Variants in ANTXR2 observed in about 807,000 individuals in gnomAD.
ANTXR2 encodes the protein ANTXR cell adhesion molecule 2, also known as anthrax toxin receptor 2.
Under a neutral mutation model 73.7 loss-of-function variants are expected in ANTXR2, and 44 were observed. That is an observed-to-expected ratio of 0.60 (90% CI 0.47 to 0.77). The LOEUF is 0.77. ANTXR2 is among the 30% of genes least tolerant of loss of function. The probability of loss-of-function intolerance (pLI) is 0.00; values close to 1 mark genes in which losing one functional copy is unlikely to be tolerated. For synonymous variants in ANTXR2, 217 were observed against 205.9 expected, an observed-to-expected ratio of 1.05 and a Z score of -0.46; for missense variants, 604 against 592.5, an observed-to-expected ratio of 1.02 and a Z score of -0.20.
chr4:79,963,383 A>C (rs1054578120), intron 16 of ANTXR2, among the ~76,000 whole-genome samples: 1 of 152,136 alleles, frequency 6.6e-6, no homozygotes, highest in Non-Finnish European at 1.5e-5. Flanking sequence ...TTTGCTGTAG[A>C]TTTAAAAAAT....
chr4:79,974,135 A>G (rs1560922749), intron 16 of ANTXR2, among the ~76,000 whole-genome samples: 1 of 152,184 alleles, frequency 6.6e-6, no homozygotes, highest in Non-Finnish European at 1.5e-5. Context: ...CATACTAATG[A>G]CACTTAACTG....
At chr4:79,907,758 A>G (rs1204462378) in intron 16 of ANTXR2, among the ~76,000 whole-genome samples, 1 of 152,182 alleles carries the variant, frequency 6.6e-6, no homozygotes, top group Non-Finnish European at 1.5e-5. Flanking sequence ...TCACGGCCAT[A>G]AAAATATCAA....
chr4:80,037,338 CA>C (rs1365905304), intron 7 of ANTXR2, among the ~76,000 whole-genome samples: 1 of 152,146 alleles, frequency 6.6e-6, no homozygotes, highest in Non-Finnish European at 1.5e-5. Flanking sequence ...TATAAGTTCT[CA>C]GCCCCTAAAA....
chr4:79,982,790 T>C (rs1257900517), intron 14 of ANTXR2, among the ~76,000 whole-genome samples: 3 of 152,126 alleles, frequency 2.0e-5, no homozygotes, highest in Admixed American at 6.5e-5. Context: ...TCAGGGAAAA[T>C]GTCCATTGCT....
At chr4:79,917,286 C>A (rs765545943) in intron 16 of ANTXR2, among the ~76,000 whole-genome samples, 9 of 151,992 alleles carry the variant, frequency 5.9e-5, no homozygotes, top group Non-Finnish European at 1.2e-4. Flanking sequence ...AGAAGCAGCC[C>A]ACTGAAGGTT....
At position 80,072,770 on chromosome 4, in the gene ANTXR2, G is replaced by A; in HGVS notation, c.-210C>T. 1.6e-6 allele frequency: 2 copies of A among 1,241,212 alleles called. No homozygotes were observed. Among genetic ancestry groups the A allele is most frequent in the Non-Finnish European group, 2.0e-6 (2 of 980,200 alleles). The allele number at this position is 1,241,212 out of a possible 1,614,324, so 76.9% of individuals were successfully genotyped here. A position where few individuals can be genotyped will look rare whatever the true frequency, so the allele number is the denominator to read the frequency against. ...GACAAAGGGAGTCTCCGCCACCGCC[G>A]CAGCTGCCGCCGGAACTCTTGACGA... On this transcript the variant is annotated 5_prime_UTR_variant, in exon 1 of 17. Coordinates refer to ENST00000403729, the MANE Select transcript of ANTXR2 (RefSeq NM_058172.6).
chr4:79,937,418 A>G (rs1282553466), intron 16 of ANTXR2, among the ~76,000 whole-genome samples: 2 of 152,176 alleles, frequency 1.3e-5, no homozygotes, highest in Non-Finnish European at 2.9e-5. Context: ...TCTTCATTGA[A>G]AGTTTCACTG....
chr4:79,987,082 A>AATT (rs1434801100), intron 12 of ANTXR2, among the ~76,000 whole-genome samples: 5 of 152,142 alleles, frequency 3.3e-5, no homozygotes, highest in African/African-American at 1.2e-4. Flanking sequence ...GCAACTCTAA[A>AATT]AGCCAGAGTG....
At chr4:80,056,073 T>C in intron 3 of ANTXR2, 60 bp from the exon 4 acceptor site, 1 of 1,211,706 alleles carries the variant, frequency 8.3e-7, no homozygotes, top group Admixed American at 2.9e-5. Flanking sequence ...CAATAAACAC[T>C]TCTTAAAAAA....
chr4:79,991,629 T>C (rs1024172445), intron 12 of ANTXR2, among the ~76,000 whole-genome samples: 1 of 152,032 alleles, frequency 6.6e-6, no homozygotes, highest in East Asian at 1.9e-4. Flanking sequence ...TATAAATCGT[T>C]CTACCAAAGA....
In ANTXR2 at chr4:80,069,524, G is replaced by A. The variant is rs763471581; in HGVS notation, c.225-17C>T. The A allele has an allele frequency of 6.4e-7, 1 of 1,559,056 alleles. No homozygotes were observed. The highest frequency in any genetic ancestry group is 1.2e-5 in the South Asian group (1 of 85,916). ...ATTTCAGGGCTGCAAAATAAGAAAA[G>A]AGGCAGTTAAAACATTTTTAAAAAG... On this transcript the variant is annotated splice_polypyrimidine_tract_variant and intron_variant, in intron 2 of 16. Transcript: ENST00000403729.
chr4:80,005,958 C>T (rs1236275419), intron 12 of ANTXR2, among the ~76,000 whole-genome samples: 1 of 152,228 alleles, frequency 6.6e-6, no homozygotes, highest in East Asian at 1.9e-4. Context: ...CCATCATTCA[C>T]CTAGCACAGT....
chr4:80,040,628 T>C (rs957191592), intron 7 of ANTXR2, among the ~76,000 whole-genome samples: 2 of 152,010 alleles, frequency 1.3e-5, no homozygotes, highest in Admixed American at 6.6e-5. Context: ...CATAGACCAA[T>C]AGATCAAATT....
Position 80,055,474 on chromosome 4 carries a change from A to G in ANTXR2, c.379-7T>C. ...TCTGAATTTGTTCATTCGCCTGAAA[A>G]TGAAGAATAATTATCCAACTCACAA... On this transcript the variant is annotated splice_polypyrimidine_tract_variant and splice_region_variant and intron_variant, in intron 4 of 16. Coordinates refer to ENST00000403729, the MANE Select transcript of ANTXR2 (RefSeq NM_058172.6). 6.3e-7 allele frequency: 1 copy of G among 1,595,724 alleles called. No homozygotes were observed. Among genetic ancestry groups the G allele is most frequent in the Non-Finnish European group, 8.6e-7 (1 of 1,166,012 alleles).
At chr4:80,066,972 C>T (rs901857653) in intron 3 of ANTXR2, among the ~76,000 whole-genome samples, 2 of 152,058 alleles carry the variant, frequency 1.3e-5, no homozygotes, top group African/African-American at 2.4e-5. Flanking sequence ...CCGAGGCGGA[C>T]GGATCACGAG....
chr4:80,048,207 A>G (rs1303022284), intron 7 of ANTXR2, among the ~76,000 whole-genome samples: 7 of 150,960 alleles, frequency 4.6e-5, no homozygotes, highest in African/African-American at 1.2e-4. Flanking sequence ...TTATTTACTT[A>G]TAATTCAGAA....
chr4:80,003,440 T>G (rs1447426996), intron 12 of ANTXR2, among the ~76,000 whole-genome samples: 1 of 150,416 alleles, frequency 6.6e-6, no homozygotes, highest in East Asian at 2.0e-4. Flanking sequence ...AAGGATAGCT[T>G]TAGGAGATAT....
At chr4:80,054,207 A>T in intron 7 of ANTXR2, 65 bp downstream of exon 7, 1 of 1,284,278 alleles carries the variant, frequency 7.8e-7, no homozygotes, top group Non-Finnish European at 1.1e-6. Context: ...TATTAAGATT[A>T]CTTCTTATAG....
At chr4:79,979,100 A>G (rs1209311978) in intron 14 of ANTXR2, among the ~76,000 whole-genome samples, 1 of 152,228 alleles carries the variant, frequency 6.6e-6, no homozygotes, top group Non-Finnish European at 1.5e-5. Flanking sequence ...AAAATTCTTG[A>G]CATTGAAAAA....
Sources: allele counts gnomAD v4.1 joint callset (sites outside exome capture counted in the v4.1 genomes callset), GRCh38; gene constraint gnomAD v4.1.1; transcripts MANE v1.5; gene names NCBI Gene and HGNC (gene_info 2026-07-23, HGNC 2026-07-21).